The following ANAPC1 variants were observed in gnomAD, a reference collection of about 807,000 sequenced individuals.
ANAPC1 encodes the protein anaphase-promoting complex subunit 1.
ANAPC1 carries 36 observed loss-of-function variants against 208.0 expected under a neutral mutation model. The observed-to-expected ratio is 0.17, with a 90% CI of 0.13 to 0.23. ANAPC1 has a LOEUF of 0.23. Ranked by LOEUF, ANAPC1 falls within the 10% of genes least tolerant of loss-of-function variation. The probability of loss-of-function intolerance (pLI) is 1.00; values close to 1 mark genes in which losing one functional copy is unlikely to be tolerated. For synonymous variants in ANAPC1, 378 were observed against 695.2 expected (o/e 0.54, Z 7.18); for missense variants, 942 against 2,011.6 (o/e 0.47, Z 10.17).
intron 46 of ANAPC1, among the ~76,000 whole-genome samples, chr2:111,772,821 T>C (rs1292388471): frequency 6.6e-6 from 1 of 152,168 alleles, no homozygotes; most frequent in African/African-American, 2.4e-5. Context: ...TTGATGGGAC[T>C]GACTTCAGCT....
Position 111,823,056 on chromosome 2 carries a change from A to C in ANAPC1, c.2813-456T>G, listed in dbSNP as rs1400924942. On this transcript the variant is annotated intron_variant, in intron 24 of 47. Coordinates refer to ENST00000341068, the MANE Select transcript of ANAPC1 (RefSeq NM_022662.4). ...ATGGAGTCTCGCTCTGTCGCCCAGG[A>C]TGGAGTGCAGTGGCGCGATCTTGGC... Among the ~76,000 whole-genome samples the C allele has an allele frequency of 1.1e-4, 13 of 114,698 alleles. No individual in the cohort carries two copies. In the East Asian group the frequency reaches 3.3e-3, roughly 29 times the overall value. 75.2% of individuals were successfully genotyped at this position (114,698 alleles called of 152,430 possible). A position where few individuals can be genotyped will look rare whatever the true frequency, so the allele number is the denominator to read the frequency against.
intron 35 of ANAPC1, 62 bp downstream of exon 35, chr2:111,794,756 A>G (rs1467148117): frequency 2.2e-6 from 2 of 919,414 alleles, no homozygotes; most frequent in Non-Finnish European, 3.4e-6. Flanking sequence ...CCCACATGGT[A>G]TATTTCAATT....
At chr2:111,783,794 A>C (rs1677412392) in intron 42 of ANAPC1, 103 bp downstream of exon 42, 1 of 605,724 alleles carries the variant, frequency 1.7e-6, no homozygotes, top group Non-Finnish European at 3.0e-6. Flanking sequence ...ATGAGATTAA[A>C]GGGTGATGAG....
intron 13 of ANAPC1, 129 bp from the exon 14 acceptor site, chr2:111,851,039 C>T (rs1201676671): frequency 9.0e-7 from 1 of 1,110,548 alleles, no homozygotes; most frequent in East Asian, 2.7e-5. Flanking sequence ...CCAAACACAG[C>T]AAAGAAACAA....
chr2:111,805,954 C>T, intron 29 of ANAPC1, 61 bp from the exon 30 acceptor site: 1 of 347,532 alleles, frequency 2.9e-6, no homozygotes, highest in Non-Finnish European at 5.5e-6. Context: ...TCATAAAAAT[C>T]TTAGAGTTAA....
At chr2:111,771,623 C>T (rs1676744172) in intron 47 of ANAPC1, among the ~76,000 whole-genome samples, 1 of 150,558 alleles carries the variant, frequency 6.6e-6, no homozygotes, top group South Asian at 2.1e-4. Flanking sequence ...TTTTTGAGGG[C>T]AAGTGAGTCC....
chr2:111,781,911 A>T (rs1442310609), intron 43 of ANAPC1, among the ~76,000 whole-genome samples: 1 of 152,302 alleles, frequency 6.6e-6, no homozygotes, highest in East Asian at 1.9e-4. Context: ...AAAGCAAACT[A>T]ATAAAAGAAG....
intron 44 of ANAPC1, chr2:111,779,758 G>T (rs1442055724): frequency 5.5e-5 from 9 of 162,710 alleles, no homozygotes; most frequent in African/African-American, 2.2e-4. Context: ...TGGAAGGATG[G>T]CTTCACTCCG....
chr2:111,847,625 T>C, intron 15 of ANAPC1, 100 bp downstream of exon 15: 16 of 1,318,320 alleles, frequency 1.2e-5, no homozygotes, highest in Non-Finnish European at 1.6e-5. Flanking sequence ...TTTTAAATCA[T>C]GAGAAATGTT....
rs781411733 is a variant in ANAPC1, at chr2:111,805,802, C to A, written c.3924G>T (p.Gly1308=). The change falls in exon 30 of 48, where the codon GGG becomes GGT. Residue 1308 remains glycine (G), a splice_region_variant and synonymous_variant. Transcript: ENST00000341068. ...AGLALGMVCL[G]HGSNLIGMSD... is the part of the protein sequence containing the mutation. Reference sequence around the variant, plus strand: ...ATGGGAAGGCATAGGCTATGCTTACCCCCAAGCAGACCATGCCCAGGGCCA... The same window carrying A: ...ATGGGAAGGCATAGGCTATGCTTACACCCAAGCAGACCATGCCCAGGGCCA... 1.2e-4 allele frequency: 42 copies of A among 349,180 alleles called. No homozygotes were observed. Among genetic ancestry groups the A allele is most frequent in the Non-Finnish European group, 2.0e-4 (40 of 201,840 alleles). 21.6% of individuals were successfully genotyped at this position (349,180 alleles called of 1,614,324 possible).
intron 7 of ANAPC1, among the ~76,000 whole-genome samples, chr2:111,866,984 C>A (rs548336666): frequency 6.6e-6 from 1 of 152,004 alleles, no homozygotes; most frequent in Admixed American, 6.6e-5. Context: ...TTCCTACAAC[C>A]CTTTAAAAGG....
At chr2:111,852,684 G>A (rs1026699645) in intron 13 of ANAPC1, among the ~76,000 whole-genome samples, 1 of 151,888 alleles carries the variant, frequency 6.6e-6, no homozygotes, top group African/African-American at 2.4e-5. Flanking sequence ...AATCTGGCTC[G>A]TATCCTGTTT....
In ANAPC1 at chr2:111,794,319, C is replaced by G; in HGVS notation, c.4378G>C (p.Ala1460Pro). 6.3e-7 allele frequency: 1 copy of G among 1,599,664 alleles called. No individual in the cohort carries two copies. Among genetic ancestry groups the G allele is most frequent in the Non-Finnish European group, 8.5e-7 (1 of 1,175,650 alleles). ...EDLNLETLSQ[A>P]HVYIIAGACL... ...GCTCCTGCAATTATGTAGACATGTG[C>G]TTGGCTGAAAACAGGTGACAAGAAA... Residue 1460 changes from alanine to proline, a missense_variant, in exon 36 of 48, where the codon GCA becomes CCA. Ala to Pro is a conservative substitution (Grantham distance 27). Coordinates refer to ENST00000341068, the MANE Select transcript of ANAPC1 (RefSeq NM_022662.4).
chr2:111,871,168 CTT>C (rs539330357), intron 6 of ANAPC1, among the ~76,000 whole-genome samples: 1 of 151,880 alleles, frequency 6.6e-6, no homozygotes, highest in Non-Finnish European at 1.5e-5. Context: ...ATTTTGGGCT[CTT>C]TTGGTTCCAC....
chr2:111,857,660 C>A (rs1009160629), intron 11 of ANAPC1, among the ~76,000 whole-genome samples: 1 of 152,166 alleles, frequency 6.6e-6, no homozygotes, highest in Non-Finnish European at 1.5e-5. Flanking sequence ...ATGAATTTAC[C>A]ATTCAACCCA....
intron 21 of ANAPC1, among the ~76,000 whole-genome samples, chr2:111,828,223 T>C (rs1679941525): frequency 6.6e-6 from 1 of 152,114 alleles, no homozygotes; most frequent in African/African-American, 2.4e-5. Flanking sequence ...AACAATGAGA[T>C]ATCACTTCAT....
chr2:111,794,719 A>C, intron 35 of ANAPC1, 99 bp downstream of exon 35: 1 of 1,309,410 alleles, frequency 7.6e-7, no homozygotes. Flanking sequence ...GGGATTCATA[A>C]TTACTTAAAT....
chr2:111,841,009 T>C (rs1174952975), intron 17 of ANAPC1, among the ~76,000 whole-genome samples: 10 of 152,154 alleles, frequency 6.6e-5, no homozygotes, highest in Admixed American at 3.3e-4. Flanking sequence ...CGCCACTGCA[T>C]TCCAGCCTAG....
intron 10 of ANAPC1, among the ~76,000 whole-genome samples, chr2:111,859,248 C>T (rs1268339887): frequency 6.6e-6 from 1 of 151,998 alleles, no homozygotes; most frequent in African/African-American, 2.4e-5. Context: ...TTTGGGAGGC[C>T]GAGGTGGGCA....
Sources: gnomAD v4.1 joint callset for allele counts (sites outside exome capture counted in the v4.1 genomes callset) on GRCh38, gnomAD v4.1.1 for gene constraint, MANE v1.5 for transcripts, NCBI Gene and HGNC (gene_info 2026-07-23, HGNC 2026-07-21) for gene names.